Variants in C2orf80 observed in about 807,000 individuals in gnomAD.
The protein encoded by C2orf80 is uncharacterized protein C2orf80.
Under a neutral mutation model 30.2 loss-of-function variants are expected in C2orf80, and 28 were observed. The ratio of observed to expected loss-of-function variants is 0.93; its 90% CI spans 0.69 to 1.27. The LOEUF is 1.27. C2orf80 is among the 50% of genes most tolerant of loss of function. The probability of loss-of-function intolerance (pLI) is 0.00; values close to 1 mark genes in which losing one functional copy is unlikely to be tolerated. For missense variants in C2orf80, 220 were observed against 231.0 expected, an observed-to-expected ratio of 0.95 and a Z score of 0.31; for synonymous variants, 80 against 76.4, an observed-to-expected ratio of 1.05 and a Z score of -0.24.
rs987661802 is a variant in C2orf80, at chr2:208,181,268, G to T, written c.244C>A (p.Arg82Ser). ...PLHGRPIYPN[R>S]REREAMILSS... ...AAAATCATAGCTTCTCGTTCTCTAC[G>T]ATTTGGATATATGGGTCTGCCATGG... The change falls in exon 5 of 9, where the codon CGT (arginine) becomes AGT (serine). Residue 82 changes from arginine to serine, a missense_variant. Transcript: ENST00000341287. The T allele has an allele frequency of 6.2e-7, 1 of 1,611,046 alleles. No homozygotes were observed. Among genetic ancestry groups the T allele is most frequent in the South Asian group, 1.1e-5 (1 of 91,022 alleles).
intron 6 of C2orf80, among the ~76,000 whole-genome samples, chr2:208,177,359 T>C (rs1168794144): frequency 2.0e-5 from 3 of 151,730 alleles, no homozygotes; most frequent in Non-Finnish European, 4.4e-5. Context: ...CTGACCAACA[T>C]GGCGAAACCC....
At chr2:208,176,851 T>C in intron 6 of C2orf80, among the ~76,000 whole-genome samples, 1 of 55,220 alleles carries the variant, frequency 1.8e-5, no homozygotes, top group Non-Finnish European at 3.5e-5. Context: ...AGATAATATA[T>C]CTATATATAT....
In C2orf80 at chr2:208,181,253, C is replaced by T. The variant is rs780718895; in HGVS notation, c.259G>A (p.Ala87Thr). 8.1e-6 allele frequency: 13 copies of T among 1,611,082 alleles called. No individual in the cohort carries two copies. The highest frequency in any genetic ancestry group is 1.7e-5 in the Admixed American group (1 of 60,012). Residue 87 changes from alanine to threonine, a missense_variant, in exon 5 of 9, where the codon GCT (alanine) becomes ACT (threonine). Coordinates refer to ENST00000341287, the MANE Select transcript of C2orf80 (RefSeq NM_001099334.3). ...CCAGCATAAGATGATAAAATCATAG[C>T]TTCTCGTTCTCTACGATTTGGATAT... ...PIYPNRRERE[A>T]MILSSYAGIL...
At chr2:208,184,454 A>G (rs1467301757) in intron 3 of C2orf80, among the ~76,000 whole-genome samples, 5 of 152,116 alleles carry the variant, frequency 3.3e-5, no homozygotes, top group Non-Finnish European at 7.4e-5. Context: ...GAAAAAACTG[A>G]GGGTTTGCTA....
intron 2 of C2orf80, among the ~76,000 whole-genome samples, chr2:208,185,576 A>T (rs1017407128): frequency 6.6e-6 from 1 of 152,178 alleles, no homozygotes; most frequent in Non-Finnish European, 1.5e-5. Flanking sequence ...GACTTTTAAT[A>T]AAAGAAGGTA....
intron 6 of C2orf80, among the ~76,000 whole-genome samples, chr2:208,178,111 C>T (rs1159031805): frequency 6.6e-6 from 1 of 152,078 alleles, no homozygotes; most frequent in African/African-American, 2.4e-5. Flanking sequence ...AGCTACCGCG[C>T]CCAGCCTTCT....
At chr2:208,165,921 TACTG>T (rs1422280054) in intron 8 of C2orf80, 106 bp from the exon 9 acceptor site, 4 of 692,318 alleles carry the variant, frequency 5.8e-6, no homozygotes, top group Admixed American at 5.1e-5. Context: ...GATACTAACT[TACTG>T]ACAAAGATAG....
chr2:208,188,586 C>T (rs576350939), intron 1 of C2orf80, among the ~76,000 whole-genome samples: 74 of 152,210 alleles, frequency 4.9e-4, no homozygotes, highest in African/African-American at 1.7e-3. Flanking sequence ...GCTGGGACTA[C>T]AGGTGCACGC....
In C2orf80 at chr2:208,186,032, T is replaced by G. The variant is rs568044625; in HGVS notation, c.41+914A>C. On this transcript the variant is annotated intron_variant, in intron 2 of 8. Coordinates refer to ENST00000341287, the MANE Select transcript of C2orf80 (RefSeq NM_001099334.3). Reference sequence around the variant, plus strand: ...ATATCATCTAGAAAGGTAAGTTCCCTTCTTCCTTTTGGGTCAAATTCATTT... The same window carrying G: ...ATATCATCTAGAAAGGTAAGTTCCCGTCTTCCTTTTGGGTCAAATTCATTT... Among the ~76,000 whole-genome samples, 10 of 152,274 alleles carry G rather than the reference T, an allele frequency of 6.6e-5. No homozygotes were observed. In the South Asian group the frequency reaches 1.9e-3, roughly 29 times the overall value.
intron 1 of C2orf80, among the ~76,000 whole-genome samples, chr2:208,188,519 C>G (rs950915322): frequency 5.3e-5 from 8 of 150,596 alleles, no homozygotes; most frequent in African/African-American, 2.0e-4. Context: ...AATTTCGGTT[C>G]ACTGCAACCT....
At position 208,176,982 on chromosome 2, in the gene C2orf80, A is replaced by ATACAG. The variant is rs1559340714; in HGVS notation, c.366+3762_366+3763insCTGTA. Among the ~76,000 whole-genome samples, 15 of 11,500 alleles carry ATACAG rather than the reference A, an allele frequency of 1.3e-3. 5 individuals are homozygous for ATACAG. Among genetic ancestry groups the ATACAG allele is most frequent in the African/African-American group, 1.9e-3 (9 of 4,860 alleles). The allele number at this position is 11,500 out of a possible 152,430, so 7.5% of individuals were successfully genotyped here. On this transcript the variant is annotated intron_variant, in intron 6 of 8. Coordinates refer to ENST00000341287, the MANE Select transcript of C2orf80 (RefSeq NM_001099334.3). ...ATACATATGTATACATATATACAGA[A>ATACAG]ATGTATATGTATACATATATACATA...
intron 8 of C2orf80, chr2:208,168,300 T>C (rs932415520): frequency 4.0e-6 from 1 of 248,704 alleles, no homozygotes; most frequent in Non-Finnish European, 8.0e-6. Flanking sequence ...TTTCATTTTA[T>C]ATTTTTTGTC....
intron 6 of C2orf80, among the ~76,000 whole-genome samples, chr2:208,174,280 C>A (rs1696205770): frequency 6.6e-6 from 1 of 152,094 alleles, no homozygotes; most frequent in Non-Finnish European, 1.5e-5. Context: ...CAATATTGAA[C>A]TTTTGTTTAA....
intron 1 of C2orf80, among the ~76,000 whole-genome samples, chr2:208,187,932 G>A (rs1009057297): frequency 1.3e-5 from 2 of 152,196 alleles, no homozygotes; most frequent in African/African-American, 4.8e-5. Context: ...TCTGCCAGTA[G>A]GCAGCCTTTG....
At chr2:208,176,182 A>T (rs75939583) in intron 6 of C2orf80, among the ~76,000 whole-genome samples, 1 of 148,214 alleles carries the variant, frequency 6.7e-6, no homozygotes, top group Non-Finnish European at 1.5e-5. Flanking sequence ...GTCTAGAGAC[A>T]TTTTTTTTTT....
intron 6 of C2orf80, among the ~76,000 whole-genome samples, chr2:208,178,767 G>GT (rs1406051161): frequency 2.0e-5 from 3 of 151,284 alleles, no homozygotes; most frequent in East Asian, 4.0e-4. Context: ...TTTTTTAATT[G>GT]TTTTTTGAGA....
chr2:208,168,074 T>C (rs1695960177), intron 8 of C2orf80, among the ~76,000 whole-genome samples: 2 of 152,274 alleles, frequency 1.3e-5, no homozygotes, highest in East Asian at 3.9e-4. Context: ...ATGAAAATCT[T>C]CTTCAAATAC....
At chr2:208,176,907 GTGTATACATATCTGTATACATA>G (rs1696327292) in intron 6 of C2orf80, among the ~76,000 whole-genome samples, 2 of 10,136 alleles carry the variant, frequency 2.0e-4, no homozygotes, top group African/African-American at 4.0e-4. Flanking sequence ...ATACATATCT[GTGTATACATATCTGTATACATA>G]TGTATACATA....
intron 6 of C2orf80, among the ~76,000 whole-genome samples, chr2:208,177,229 C>G (rs1405572477): frequency 6.7e-6 from 1 of 148,890 alleles, no homozygotes; most frequent in Non-Finnish European, 1.5e-5. Context: ...AGCCATCATT[C>G]ACATCACATA....
Sources: gnomAD v4.1 joint callset for allele counts (sites outside exome capture counted in the v4.1 genomes callset) on GRCh38, gnomAD v4.1.1 for gene constraint, MANE v1.5 for transcripts, NCBI Gene and HGNC (gene_info 2026-07-23, HGNC 2026-07-21) for gene names.